The following DST variants were observed in gnomAD, a reference collection of about 807,000 sequenced individuals.
The protein encoded by DST is dystonin.
Under a neutral mutation model 875.2 loss-of-function variants are expected in DST, and 253 were observed. That is an observed-to-expected ratio of 0.29 (90% CI 0.26 to 0.32). DST has a LOEUF of 0.32. Among genes scored for constraint, DST ranks in the 10% least tolerant of loss-of-function variants. DST has a pLI of 1.00. For missense variants in DST, 8,287 were observed against 9,111.6 expected, an observed-to-expected ratio of 0.91 and a Z score of 3.68; for synonymous variants, 3,124 against 3,197.1, an observed-to-expected ratio of 0.98 and a Z score of 0.77.
At chr6:56,761,854 A>T (rs1277860674) in intron 4 of DST, among the ~76,000 whole-genome samples, 1 of 152,228 alleles carries the variant, frequency 6.6e-6, no homozygotes, top group Non-Finnish European at 1.5e-5. Flanking sequence ...ATAATTATAT[A>T]TAGAAACTTG....
rs745397027 is a variant in DST, at chr6:56,532,345, T to C, written c.17107A>G (p.Arg5703Gly). The C allele has an allele frequency of 6.2e-7, 1 of 1,613,302 alleles. No homozygotes were observed. The highest frequency in any genetic ancestry group is 8.5e-7 in the Non-Finnish European group (1 of 1,179,558). Residue 5703 changes from arginine (R) to glycine (G), a missense_variant and splice_region_variant, in exon 64 of 104, where the codon AGG becomes GGG. Physicochemically the swap from Arg to Gly is moderately radical, Grantham distance 125. Around this residue, in one of 10 missense-constraint regions of DST, gnomAD observed 777 missense variants for 764.8 expected, o/e 1.02. Coordinates refer to ENST00000680361, the MANE Select transcript of DST (RefSeq NM_001374736.1). ...WEALLNKAET[R>G]NRQLEGISVV... ...AAGAACTGGAAGTATATAAGTTACC[T>C]TGTTTCAGCTTTATTAAGCAATGCC...
chr6:56,508,837 A>G (rs2096402421), intron 74 of DST, 82 bp from the exon 75 acceptor site: 5 of 1,142,158 alleles, frequency 4.4e-6, no homozygotes, highest in South Asian at 3.2e-5. Flanking sequence ...TCACACAGAA[A>G]GTAGTGATCC....
intron 9 of DST, among the ~76,000 whole-genome samples, chr6:56,696,406 C>T (rs1233639738): frequency 6.6e-6 from 1 of 152,180 alleles, no homozygotes; most frequent in East Asian, 1.9e-4. Context: ...AGGTGATCCA[C>T]CTGCCTCGGC....
intron 47 of DST, among the ~76,000 whole-genome samples, chr6:56,595,326 G>C (rs1319952745): frequency 6.6e-6 from 1 of 151,850 alleles, no homozygotes; most frequent in Non-Finnish European, 1.5e-5. Flanking sequence ...TCTCCATTGA[G>C]TCCCGTTTAA....
rs376780744 is a variant in DST, at chr6:56,803,194, C to CT, written c.625+48202dup. Among the ~76,000 whole-genome samples, 515 of 152,248 alleles carry CT rather than the reference C, an allele frequency of 3.4e-3. 4 individuals are homozygous for CT. The highest frequency in any genetic ancestry group is 0.012 in the African/African-American group (500 of 41,540). The stretch of plus-strand genomic sequence containing the variant: ...CTGGCAGAACCAAAACTGTAAAACC[C>CT]TGTGCTCCTAAAATACTACAGCGTA... On this transcript the variant is annotated intron_variant, in intron 4 of 103. Transcript: ENST00000680361.
At chr6:56,927,638 TA>T (rs34607775) in intron 2 of DST, among the ~76,000 whole-genome samples, 147 of 152,078 alleles carry the variant, frequency 9.7e-4, no homozygotes, top group African/African-American at 3.5e-3. Context: ...TTCACAGGTC[TA>T]AAAAGAAAAA....
chr6:56,672,231 C>T lies in DST; in HGVS notation c.1048-1424G>A, dbSNP rs1421377310. Among the ~76,000 whole-genome samples the T allele has an allele frequency of 2.0e-5, 3 of 152,256 alleles. No homozygotes were observed. The East Asian group carries it at 5.8e-4, about 29-fold the overall frequency. On this transcript the variant is annotated intron_variant, in intron 9 of 103. Transcript: ENST00000680361. ...TGAAAGCCCTTGCCAGGCCTCGCAG[C>T]CCCTGACTTCACTTGTTGGAAATGA... is the stretch of plus-strand genomic sequence containing the variant.
rs375160184 is a variant in DST, at chr6:56,459,283, A to G, written c.23195-16T>C. 1 of 1,608,328 alleles carries G rather than the reference A, an allele frequency of 6.2e-7. No individual in the cohort carries two copies. Among genetic ancestry groups the G allele is most frequent in the Non-Finnish European group, 8.5e-7 (1 of 1,176,916 alleles). ...TTCTTGGAATCTGAGGAAAGAAGGT[A>G]GAGACAGCTCACCCTTATTATTGGG... On this transcript the variant is annotated splice_polypyrimidine_tract_variant and intron_variant, in intron 103 of 103. Coordinates refer to ENST00000680361, the MANE Select transcript of DST (RefSeq NM_001374736.1).
At chr6:56,564,678 T>C (rs2097621450) in intron 55 of DST, among the ~76,000 whole-genome samples, 1 of 152,334 alleles carries the variant, frequency 6.6e-6, no homozygotes, top group East Asian at 1.9e-4. Flanking sequence ...TTCCAGCTTT[T>C]GCCCATTCAC....
chr6:56,852,067 T>C (rs1749670810), intron 3 of DST: 1 of 1,401,250 alleles, frequency 7.1e-7, no homozygotes, highest in African/African-American at 1.4e-5. Context: ...ATGCAGGATG[T>C]TGAGTCCCAA....
chr6:56,535,191 C>G lies in DST; in HGVS notation c.16872G>C (p.Glu5624Asp). 6.2e-7 allele frequency: 1 copy of G among 1,613,864 alleles called. No homozygotes were observed. The highest frequency in any genetic ancestry group is 1.1e-5 in the South Asian group (1 of 91,036). ...SLLSWMVDTE[E>D]LVANQKPPSA... ...ACGGGGGCTTCTGATTGGCCACAAGCTCCTCAGTGTCCACCATCCAGCTGA... is the reference window on the plus strand; with the variant it reads ...ACGGGGGCTTCTGATTGGCCACAAGGTCCTCAGTGTCCACCATCCAGCTGA... The change falls in exon 63 of 104, where the codon GAG becomes GAC. Residue 5624 changes from glutamate to aspartate, a missense_variant. Around this residue, in one of 10 missense-constraint regions of DST, gnomAD observed 777 missense variants for 764.8 expected, o/e 1.02. Transcript: ENST00000680361.
At chr6:56,627,151 T>C (rs1355017048) in intron 34 of DST, 53 bp downstream of exon 34, 1 of 1,311,418 alleles carries the variant, frequency 7.6e-7, no homozygotes, top group African/African-American at 1.4e-5. Flanking sequence ...ACAGTACATG[T>C]AGAATCACAA....
In DST at chr6:56,631,933, G is replaced by C. The variant is rs756379041; in HGVS notation, c.3913C>G (p.Leu1305Val). 2 of 1,613,824 alleles carry C rather than the reference G, an allele frequency of 1.2e-6. No individual in the cohort carries two copies. The highest frequency in any genetic ancestry group is 1.1e-5 in the South Asian group (1 of 91,068). The change falls in exon 29 of 104, where the codon CTG becomes GTG. Residue 1305 changes from leucine (L) to valine (V), a missense_variant. Physicochemically the swap from Leu to Val is conservative, Grantham distance 32. This residue lies in a region of DST where 3,138 missense variants were observed against 3,116.6 expected (regional missense o/e 1.01). Transcript: ENST00000680361. ...DRLIRQIRTP[L>V]ERDDLHESVF... Reference sequence around the variant, plus strand: ...CTTTCATGCAAATCATCTCTTTCCAGGGGAGTTCGAATCTGTCTAATCAGC... The same window carrying C: ...CTTTCATGCAAATCATCTCTTTCCACGGGAGTTCGAATCTGTCTAATCAGC...
chr6:56,927,190 T>A (rs1249546276), intron 2 of DST, among the ~76,000 whole-genome samples: 1 of 152,194 alleles, frequency 6.6e-6, no homozygotes, highest in Non-Finnish European at 1.5e-5. Flanking sequence ...CATCATTTTA[T>A]CTATTAGTCA....
chr6:56,900,080 C>G (rs1258388714), intron 3 of DST, among the ~76,000 whole-genome samples: 1 of 152,172 alleles, frequency 6.6e-6, no homozygotes, highest in Non-Finnish European at 1.5e-5. Flanking sequence ...TGTTGTCATC[C>G]TCTTCATCAG....
chr6:56,900,610 T>C lies in DST; in HGVS notation c.228A>G (p.Ala76=), dbSNP rs1485280292. Residue 76 remains alanine (A), a synonymous_variant, in exon 3 of 104, where the codon GCA becomes GCG. Coordinates refer to ENST00000680361, the MANE Select transcript of DST (RefSeq NM_001374736.1). Reference sequence around the variant, plus strand: ...CTCGTCTTCTAAGATGCCGAGGGCTTGCTCTGAATCCCTGTGGCAGAAAAC... The same window carrying C: ...CTCGTCTTCTAAGATGCCGAGGGCTCGCTCTGAATCCCTGTGGCAGAAAAC... ...SHHFRSEGFR[A]SPRHLRRRVA... The C allele has an allele frequency of 7.3e-7, 1 of 1,367,452 alleles. No homozygotes were observed. The highest frequency in any genetic ancestry group is 1.5e-5 in the African/African-American group (1 of 67,746). The allele number at this position is 1,367,452 out of a possible 1,614,324, so 84.7% of individuals were successfully genotyped here.
At chr6:56,829,506 A>G (rs972443393) in intron 4 of DST, among the ~76,000 whole-genome samples, 9 of 152,208 alleles carry the variant, frequency 5.9e-5, no homozygotes, top group Non-Finnish European at 1.2e-4. Flanking sequence ...TGCAAACTAT[A>G]TCAAAAGGCT....
chr6:56,667,137 T>C (rs1428707710), intron 10 of DST, among the ~76,000 whole-genome samples: 6 of 152,224 alleles, frequency 3.9e-5, no homozygotes, highest in African/African-American at 1.4e-4. Flanking sequence ...CTCCAACTCC[T>C]GAGCTCCAGC....
intron 4 of DST, among the ~76,000 whole-genome samples, chr6:56,737,218 A>C (rs1028517234): frequency 2.2e-4 from 34 of 152,148 alleles, no homozygotes; most frequent in Admixed American, 2.1e-3. Flanking sequence ...ATAACAATAA[A>C]AATGTAATGC....
Sources: allele counts gnomAD v4.1 joint callset (sites outside exome capture counted in the v4.1 genomes callset), GRCh38; gene constraint gnomAD v4.1.1; regional missense constraint gnomAD v4.1.1; transcripts MANE v1.5; gene names NCBI Gene and HGNC (gene_info 2026-07-23, HGNC 2026-07-21).